The following TSC22D1 variants were observed in gnomAD, a reference collection of about 807,000 sequenced individuals.
The protein encoded by TSC22D1 is TSC22 domain family member 1.
Under a neutral mutation model 74.2 loss-of-function variants are expected in TSC22D1, and 9 were observed. The ratio of observed to expected loss-of-function variants is 0.12; its 90% CI spans 0.07 to 0.21. The LOEUF (loss-of-function observed/expected upper bound fraction) is 0.21. Among genes scored for constraint, TSC22D1 ranks in the 10% least tolerant of loss-of-function variants. The pLI is 1.00. For synonymous variants in TSC22D1, 586 were observed against 492.5 expected (o/e 1.19, Z -2.51); for missense variants, 1,427 against 1,304.7 (o/e 1.09, Z -1.44).
chr13:44,535,022 G>A lies in TSC22D1; in HGVS notation c.2912+38141C>T, dbSNP rs979058310. ...ATATTGGAGGCTACATATACACAGA[G>A]TACAATGTCTGTGGACATGTTTCTA... On this transcript the variant is annotated intron_variant, in intron 1 of 2. Coordinates refer to ENST00000458659, the MANE Select transcript of TSC22D1 (RefSeq NM_183422.4). 2.6e-5 allele frequency among the ~76,000 whole-genome samples: 4 copies of A among 152,122 alleles called. No homozygotes were observed. The South Asian group carries it at 8.3e-4, about 32-fold the overall frequency.
At chr13:44,438,975 G>C (rs770885988) in intron 1 of TSC22D1, among the ~76,000 whole-genome samples, 1 of 151,988 alleles carries the variant, frequency 6.6e-6, no homozygotes, top group Non-Finnish European at 1.5e-5. Flanking sequence ...AAACTCTAAG[G>C]TCATATAAAA....
chr13:44,551,918 A>G (rs546003466), intron 1 of TSC22D1, among the ~76,000 whole-genome samples: 1 of 152,290 alleles, frequency 6.6e-6, no homozygotes, highest in African/African-American at 2.4e-5. Context: ...TAAAAGTAAA[A>G]AAACAAAAAA....
intron 1 of TSC22D1, among the ~76,000 whole-genome samples, chr13:44,515,486 G>A (rs1879937655): frequency 6.6e-6 from 1 of 151,108 alleles, no homozygotes; most frequent in Admixed American, 6.6e-5. Flanking sequence ...CACCCAGGCT[G>A]GAGTGCAGTG....
chr13:44,555,192 A>G (rs1027894565), intron 1 of TSC22D1, among the ~76,000 whole-genome samples: 10 of 151,854 alleles, frequency 6.6e-5, no homozygotes, highest in Non-Finnish European at 1.2e-4. Flanking sequence ...TTAAAATATT[A>G]TCTCTTAAGA....
rs578107225 is a variant in TSC22D1, at chr13:44,567,767, T to C, written c.2912+5396A>G. 5.3e-5 allele frequency among the ~76,000 whole-genome samples: 8 copies of C among 151,806 alleles called. No individual in the cohort carries two copies. The South Asian group carries it at 1.0e-3, about 20-fold the overall frequency. On this transcript the variant is annotated intron_variant, in intron 1 of 2. Coordinates refer to ENST00000458659, the MANE Select transcript of TSC22D1 (RefSeq NM_183422.4). ...TAAGAGGAGTTTAAGAGAGAAAAAA[T>C]AGAAAGACATAATCAACAACCTGAC... is the stretch of plus-strand genomic sequence containing the variant.
rs73463691 is a variant in TSC22D1 at position 44,443,188 on chromosome 13, G to A, written c.2913-7093C>T. Among the ~76,000 whole-genome samples, 435 of 151,972 alleles carry A rather than the reference G, an allele frequency of 2.9e-3. 1 individual carries two copies. The highest frequency in any genetic ancestry group is 0.01 in the African/African-American group (422 of 41,466). On this transcript the variant is annotated intron_variant, in intron 1 of 2. Coordinates refer to ENST00000458659, the MANE Select transcript of TSC22D1 (RefSeq NM_183422.4). ...CATAATCAAATTGCTTACTATCAGT[G>A]ATAAAATCTTAGAAGCAGCTGGAAA...
chr13:44,469,518 T>G (rs1877477972), intron 1 of TSC22D1, among the ~76,000 whole-genome samples: 1 of 152,188 alleles, frequency 6.6e-6, no homozygotes, highest in African/African-American at 2.4e-5. Flanking sequence ...GCATCTGATC[T>G]TTCTGGTAAT....
intron 1 of TSC22D1, among the ~76,000 whole-genome samples, chr13:44,553,345 AT>A (rs559431122): frequency 0.011 from 1,667 of 147,512 alleles, 32 homozygotes; most frequent in Admixed American, 0.051. Flanking sequence ...CTCTAATACT[AT>A]TTTTTTTTTT....
chr13:44,435,852 G>A (rs1874559356), intron 2 of TSC22D1, 192 bp downstream of exon 2: 1 of 639,894 alleles, frequency 1.6e-6, no homozygotes, highest in Non-Finnish European at 2.8e-6. Context: ...AATACCCGCA[G>A]GGCCCCTTTC....
rs1490868797 is a variant in TSC22D1 at position 44,474,572 on chromosome 13, C to G, written c.2913-38477G>C. Among the ~76,000 whole-genome samples, 4 of 152,094 alleles carry G rather than the reference C, an allele frequency of 2.6e-5. 1 individual carries two copies. The South Asian group carries it at 8.3e-4, about 32-fold the overall frequency. ...GATCATTTCGTCTTGATCCCAAAAT[C>G]AGGAAAATCTAGTGAGGGTTTTCCC... On this transcript the variant is annotated intron_variant, in intron 1 of 2. Coordinates refer to ENST00000458659, the MANE Select transcript of TSC22D1 (RefSeq NM_183422.4).
At chr13:44,516,305 C>A in intron 1 of TSC22D1, 1 of 458,724 alleles carries the variant, frequency 2.2e-6, no homozygotes, top group Non-Finnish European at 4.3e-6. Flanking sequence ...TTACCAGCTC[C>A]CCTCTACCAC....
chr13:44,576,241 A>C lies in TSC22D1; in HGVS notation c.-167T>G. 9.8e-7 allele frequency: 1 copy of C among 1,023,788 alleles called. No homozygotes were observed. The highest frequency in any genetic ancestry group is 1.4e-6 in the Non-Finnish European group (1 of 730,352). 63.4% of individuals were successfully genotyped at this position (1,023,788 alleles called of 1,614,324 possible). ...GGCGCCGGTCGCTCCTGCCTTCGAG[A>C]GCGAGCTTCGGAAAGGAGGATGAAC... On this transcript the variant is annotated 5_prime_UTR_variant, in exon 1 of 3. Transcript: ENST00000458659.
In TSC22D1 at chr13:44,574,447, T is replaced by C; in HGVS notation, c.1628A>G (p.Gln543Arg). Residue 543 changes from glutamine to arginine, a missense_variant, in exon 1 of 3, where the codon CAG (glutamine) becomes CGG (arginine). This residue lies in a region of TSC22D1 where 1,343 missense variants were observed against 1,191.5 expected (regional missense o/e 1.13). Transcript: ENST00000458659. ...AGACTGTAATTGTACTTGTGAGATC[T>C]GTGACTGAGAAATACTCTGTGGTAT... ...VSIPQSISQS[Q>R]ISQVQLQSQE... The C allele has an allele frequency of 6.2e-7, 1 of 1,614,234 alleles. No homozygotes were observed. Among genetic ancestry groups the C allele is most frequent in the East Asian group, 2.2e-5 (1 of 44,892 alleles).
intron 1 of TSC22D1, among the ~76,000 whole-genome samples, chr13:44,453,217 A>C (rs1390358983): frequency 6.6e-6 from 1 of 152,210 alleles, no homozygotes. Flanking sequence ...TGTTAAGCTA[A>C]TACAACCATA....
intron 1 of TSC22D1, among the ~76,000 whole-genome samples, chr13:44,544,834 G>A (rs1267144075): frequency 6.6e-6 from 1 of 151,916 alleles, no homozygotes; most frequent in Non-Finnish European, 1.5e-5. Context: ...ACAACCAACA[G>A]ATAACCCAAA....
At chr13:44,501,819 G>A (rs1175773661) in intron 1 of TSC22D1, among the ~76,000 whole-genome samples, 4 of 152,150 alleles carry the variant, frequency 2.6e-5, no homozygotes, top group African/African-American at 9.7e-5. Flanking sequence ...GCTAACACAT[G>A]TGCTGTGGGC....
chr13:44,455,359 C>T (rs1163709585), intron 1 of TSC22D1, among the ~76,000 whole-genome samples: 4 of 152,134 alleles, frequency 2.6e-5, no homozygotes, highest in Non-Finnish European at 5.9e-5. Context: ...GCGCAGTAAC[C>T]AATGTATGAT....
Position 44,575,424 on chromosome 13 carries a change from T to C in TSC22D1, c.651A>G (p.Pro217=), listed in dbSNP as rs369181606. ...TCTGATGGTGGTGATGGAGGTGGTG[T>C]GGATGAGCATTCCCATTGATCACAA... ...QNVVINGNAH[P]HHLHHHHQIH... is the part of the protein sequence containing the mutation. The change falls in exon 1 of 3, where the codon CCA becomes CCG. Residue 217 remains proline, a synonymous_variant. Transcript: ENST00000458659. 3.0e-5 allele frequency: 49 copies of C among 1,613,906 alleles called. No individual in the cohort carries two copies. The African/African-American group carries it at 5.7e-4, about 19-fold the overall frequency.
intron 1 of TSC22D1, among the ~76,000 whole-genome samples, chr13:44,490,963 T>C (rs1386710148): frequency 6.6e-6 from 1 of 150,674 alleles, no homozygotes; most frequent in Non-Finnish European, 1.5e-5. Context: ...TATGTATATA[T>C]TCATAAATTT....
Sources: allele counts gnomAD v4.1 joint callset (sites outside exome capture counted in the v4.1 genomes callset), GRCh38; gene constraint gnomAD v4.1.1; regional missense constraint gnomAD v4.1.1; transcripts MANE v1.5; gene names NCBI Gene and HGNC (gene_info 2026-07-23, HGNC 2026-07-21).